The following NUSAP1 variants were observed in gnomAD, a reference collection of about 807,000 sequenced individuals.
The protein encoded by NUSAP1 is nucleolar and spindle-associated protein 1.
In NUSAP1, 32 loss-of-function variants were observed where a neutral mutation model predicts 52.8. That is an observed-to-expected ratio of 0.61 (90% CI 0.46 to 0.81). The LOEUF (loss-of-function observed/expected upper bound fraction) is 0.81, where lower values mean the gene tolerates loss of function less well. Ranked by LOEUF, NUSAP1 falls within the 40% of genes least tolerant of loss-of-function variation. The pLI is 0.00. For missense variants in NUSAP1, 499 were observed against 522.3 expected (o/e 0.96, Z 0.43); for synonymous variants, 195 against 183.1 (o/e 1.06, Z -0.52).
chr15:41,347,731 A>G (rs1337733644), intron 2 of NUSAP1, among the ~76,000 whole-genome samples: 2 of 151,368 alleles, frequency 1.3e-5, no homozygotes, highest in African/African-American at 4.9e-5. Context: ...GGAGAATGGC[A>G]TGAACCCAGG....
At chr15:41,349,333 C>A in intron 3 of NUSAP1, 92 bp downstream of exon 3, 1 of 1,278,594 alleles carries the variant, frequency 7.8e-7, no homozygotes, top group South Asian at 1.4e-5. Flanking sequence ...CATGTGATGT[C>A]ATGTGTTTGT....
chr15:41,350,126 G>A (rs762359486), intron 3 of NUSAP1, among the ~76,000 whole-genome samples: 1 of 152,112 alleles, frequency 6.6e-6, no homozygotes. Flanking sequence ...ACTGAGGAAC[G>A]GAGAGACTAA....
intron 4 of NUSAP1, among the ~76,000 whole-genome samples, chr15:41,353,296 GT>G (rs2048844257): frequency 6.6e-6 from 1 of 151,886 alleles, no homozygotes; most frequent in Admixed American, 6.6e-5. Context: ...GATTACATGT[GT>G]GCACCACCAT....
intron 10 of NUSAP1, among the ~76,000 whole-genome samples, chr15:41,379,100 C>G (rs1399271168): frequency 4.0e-5 from 6 of 150,746 alleles, no homozygotes; most frequent in Non-Finnish European, 5.9e-5. Context: ...ATTACAGGTT[C>G]CCGCCCCCGC....
At chr15:41,351,435 G>T (rs1052838335) in intron 4 of NUSAP1, among the ~76,000 whole-genome samples, 8 of 152,100 alleles carry the variant, frequency 5.3e-5, no homozygotes, top group African/African-American at 1.2e-4. Flanking sequence ...CTCTGACAGC[G>T]CATGACATTC....
chr15:41,348,031 G>A (rs1175760139), intron 2 of NUSAP1, among the ~76,000 whole-genome samples: 1 of 152,104 alleles, frequency 6.6e-6, no homozygotes, highest in African/African-American at 2.4e-5. Context: ...GCTGAGGTGG[G>A]AGGGTCAGTT....
intron 7 of NUSAP1, among the ~76,000 whole-genome samples, chr15:41,369,648 A>T (rs918797576): frequency 1.4e-5 from 2 of 147,908 alleles, no homozygotes; most frequent in Non-Finnish European, 3.0e-5. Context: ...AACATTGTCT[A>T]AAAAAAAAAG....
chr15:41,376,014 C>T (rs1259808960), intron 9 of NUSAP1, among the ~76,000 whole-genome samples, 186 bp downstream of exon 9: 1 of 151,844 alleles, frequency 6.6e-6, no homozygotes, highest in African/African-American at 2.4e-5. Context: ...TGCAGTGAGC[C>T]GAGACCGTGC....
chr15:41,349,210 G>A lies in NUSAP1; in HGVS notation c.275G>A (p.Cys92Tyr), dbSNP rs771107350. 4 of 1,613,822 alleles carry A rather than the reference G, an allele frequency of 2.5e-6. No individual in the cohort carries two copies. In the South Asian group the frequency reaches 3.3e-5, roughly 13 times the overall value. The change falls in exon 3 of 11, where the codon TGC becomes TAC. Residue 92 changes from cysteine (C) to tyrosine (Y), a missense_variant. Coordinates refer to ENST00000559596, the MANE Select transcript of NUSAP1 (RefSeq NM_016359.5). ...CATGTCACCAAAACAAGGAGAAGGT[G>A]CAAGACTGTCCGTGTGGACCCTGAC... ...LGHVTKTRRRCKTVRVDPDSQ... is the reference protein window; with the variant it reads ...LGHVTKTRRRYKTVRVDPDSQ...
At chr15:41,339,855 C>T (rs1481548341) in intron 1 of NUSAP1, among the ~76,000 whole-genome samples, 1 of 151,964 alleles carries the variant, frequency 6.6e-6, no homozygotes, top group Non-Finnish European at 1.5e-5. Context: ...GATTCCGGCT[C>T]ACTGCAACCT....
chr15:41,366,468 G>A (rs1319106045), intron 7 of NUSAP1, among the ~76,000 whole-genome samples: 1 of 151,758 alleles, frequency 6.6e-6, no homozygotes, highest in South Asian at 2.1e-4. Flanking sequence ...TTTTAGTAGA[G>A]ACGGGGTTTC....
chr15:41,375,663 A>T (rs757385801), intron 8 of NUSAP1, 49 bp from the exon 9 acceptor site: 2 of 1,133,670 alleles, frequency 1.8e-6, no homozygotes, highest in Non-Finnish European at 2.7e-6. Context: ...ACACTTTACC[A>T]GGTCTTTGTT....
At chr15:41,355,234 G>A (rs1314709188) in intron 4 of NUSAP1, among the ~76,000 whole-genome samples, 13 of 151,368 alleles carry the variant, frequency 8.6e-5, no homozygotes, top group African/African-American at 3.1e-4. Context: ...GTAGAGTGGC[G>A]TGATCTCAGC....
chr15:41,371,748 A>T, intron 8 of NUSAP1, 64 bp downstream of exon 8: 8 of 1,507,850 alleles, frequency 5.3e-6, no homozygotes, highest in Non-Finnish European at 7.1e-6. Flanking sequence ...TCCCAAAATG[A>T]TTAGGTATAT....
At position 41,332,909 on chromosome 15, in the gene NUSAP1, C is replaced by T. The variant is rs371719954; in HGVS notation, c.-49C>T. The T allele has an allele frequency of 1.0e-5, 15 of 1,452,024 alleles. No homozygotes were observed. In the African/African-American group the frequency reaches 1.7e-4, roughly 16 times the overall value. The allele number at this position is 1,452,024 out of a possible 1,614,324, so 89.9% of individuals were successfully genotyped here. A position where few individuals can be genotyped will look rare whatever the true frequency, so the allele number is the denominator to read the frequency against. On this transcript the variant is annotated 5_prime_UTR_variant, in exon 1 of 11. The change creates a new upstream start codon in the 5' untranslated region. Transcript: ENST00000559596. ...GCGCCAGGGATTTGAACCGCGCTGA[C>T]GAAGTTTGGTGATCCATCTTCCGAG...
In NUSAP1 at chr15:41,358,249, T is replaced by G. The variant is rs1282283514; in HGVS notation, c.651T>G (p.Asn217Lys). ...ATTTTGAAGAACACAATTCCATGAA[T>G]GAACTGAAGGTATGTAGATAAAATT... ...KKHFEEHNSM[N>K]ELKQQPINKG... Residue 217 changes from asparagine to lysine, a missense_variant, in exon 6 of 11, where the codon AAT (asparagine) becomes AAG (lysine). Physicochemically the swap from Asn to Lys is moderately conservative, Grantham distance 94 (BLOSUM62 0). Transcript: ENST00000559596. 7.1e-7 allele frequency: 1 copy of G among 1,412,580 alleles called. No individual in the cohort carries two copies. The highest frequency in any genetic ancestry group is 9.9e-7 in the Non-Finnish European group (1 of 1,006,792). 87.5% of individuals were successfully genotyped at this position (1,412,580 alleles called of 1,614,324 possible). A position where few individuals can be genotyped will look rare whatever the true frequency, so the allele number is the denominator to read the frequency against.
chr15:41,356,080 C>G lies in NUSAP1; in HGVS notation c.490C>G (p.Leu164Val), dbSNP rs778589085. 3.0e-5 allele frequency: 48 copies of G among 1,608,592 alleles called. No homozygotes were observed. In the African/African-American group the frequency reaches 6.0e-4, roughly 20 times the overall value. Reference sequence around the variant, plus strand: ...GGTACCTTCAGAAGGAAAGAAATCTCTCTACACAGATGAGTCATCCAAACC... The same window carrying G: ...GGTACCTTCAGAAGGAAAGAAATCTGTCTACACAGATGAGTCATCCAAACC... ...SKVPSEGKKS[L>V]YTDESSKPGK... is the part of the protein sequence containing the mutation. The change falls in exon 5 of 11, where the codon CTC (leucine) becomes GTC (valine). Residue 164 changes from leucine to valine, a missense_variant. By Grantham distance (32) the Leu-to-Val change is conservative (BLOSUM62 1). Coordinates refer to ENST00000559596, the MANE Select transcript of NUSAP1 (RefSeq NM_016359.5).
Position 41,380,332 on chromosome 15 carries a change from A to G in NUSAP1, c.*146A>G, listed in dbSNP as rs1306876675. ...TCTGTGTAGTGTCCATGGGTTCTTC[A>G]TGTGCTATGATCTCTGAAAAGACGT... On this transcript the variant is annotated 3_prime_UTR_variant, in exon 11 of 11. Transcript: ENST00000559596. The G allele has an allele frequency of 1.4e-5, 8 of 566,356 alleles. No homozygotes were observed. Among genetic ancestry groups the G allele is most frequent in the Non-Finnish European group, 2.2e-5 (7 of 318,110 alleles). The allele number at this position is 566,356 out of a possible 1,614,324, so 35.1% of individuals were successfully genotyped here.
intron 7 of NUSAP1, among the ~76,000 whole-genome samples, chr15:41,366,441 AC>A (rs2049419409): frequency 6.6e-6 from 1 of 150,970 alleles, no homozygotes; most frequent in South Asian, 2.1e-4. Flanking sequence ...GTACCACCAC[AC>A]CCGGCTAAGT....
Sources: gnomAD v4.1 joint callset for allele counts (sites outside exome capture counted in the v4.1 genomes callset) on GRCh38, gnomAD v4.1.1 for gene constraint, MANE v1.5 for transcripts, NCBI Gene and HGNC (gene_info 2026-07-23, HGNC 2026-07-21) for gene names.